The following CLCN4 variants were observed in gnomAD, a reference collection of about 807,000 sequenced individuals.
CLCN4 encodes the protein H(+)/Cl(-) exchange transporter 4.
In CLCN4, 1 loss-of-function variant was observed where a neutral mutation model predicts 41.7. That is an observed-to-expected ratio of 0.02 (90% CI 0.01 to 0.11). CLCN4 has a LOEUF of 0.11. Among genes scored for constraint, CLCN4 ranks in the 10% least tolerant of loss-of-function variants. The pLI, the probability that CLCN4 is intolerant of heterozygous loss-of-function variation, is 1.00. For synonymous variants in CLCN4, 277 were observed against 285.8 expected (o/e 0.97, Z 0.31); for missense variants, 287 against 661.0 (o/e 0.43, Z 6.20).
At chrX:10,224,324 G>A (rs1166185365) in intron 12 of CLCN4, among the ~76,000 whole-genome samples, 1 of 108,256 alleles carries the variant, frequency 9.2e-6, no homozygotes, top group African/African-American at 3.4e-5. Context: ...GTGTGTGTGT[G>A]TGTGTGTGTA....
intron 12 of CLCN4, among the ~76,000 whole-genome samples, chrX:10,230,504 A>T (rs146324959): frequency 0.022 from 2,415 of 112,048 alleles, 32 homozygotes; most frequent in Non-Finnish European, 0.033. Flanking sequence ...ACAAATCAGG[A>T]TGGAAAGAAA....
chrX:10,233,512 C>T lies in CLCN4; in HGVS notation c.2211C>T (p.Ile737=), dbSNP rs1602170505. The part of the protein sequence containing the change: ...VTRSGRLLGI[I]TKKDVLRHMA... ...TCTCCAGGAGACTTCTTGGCATCAT[C>T]ACAAAAAAGGATGTTCTGAGACATA... Residue 737 remains isoleucine, a synonymous_variant, in exon 13 of 13, where the codon ATC becomes ATT. Coordinates refer to ENST00000380833, the MANE Select transcript of CLCN4 (RefSeq NM_001830.4). 1 of 1,206,743 alleles carries T rather than the reference C, an allele frequency of 8.3e-7. No individual in the cohort carries two copies. The highest frequency in any genetic ancestry group is 2.2e-5 in the Admixed American group (1 of 45,742).
intron 2 of CLCN4, among the ~76,000 whole-genome samples, chrX:10,170,015 T>A (rs1166130488): frequency 9.0e-6 from 1 of 111,082 alleles, no homozygotes; most frequent in Non-Finnish European, 1.9e-5. Flanking sequence ...CTTGAACTCC[T>A]GACCTCAGGT....
At position 10,234,509 on chromosome X, in the gene CLCN4, G is replaced by A. The variant is rs1272993015; in HGVS notation, c.*925G>A. The A allele has an allele frequency of 2.7e-5, 3 of 113,095 alleles. No homozygotes were observed. Among genetic ancestry groups the A allele is most frequent in the East Asian group, 5.6e-4 (2 of 3,594 alleles). The allele number at this position is 113,095 out of a possible 1,213,427, so 9.3% of individuals were successfully genotyped here. Reference sequence around the variant, plus strand: ...GCCATAAGCGTGCTTTCATTTTCAAGTAGCATATGCAAGAGTCCAAACAGG... The same window carrying A: ...GCCATAAGCGTGCTTTCATTTTCAAATAGCATATGCAAGAGTCCAAACAGG... On this transcript the variant is annotated 3_prime_UTR_variant, in exon 13 of 13. Transcript: ENST00000380833.
intron 10 of CLCN4, 68 bp downstream of exon 10, chrX:10,212,721 G>A: frequency 6.1e-6 from 6 of 990,352 alleles, no homozygotes; most frequent in Non-Finnish European, 6.9e-6. Context: ...TGCCAAGAAG[G>A]AAGACATGGA....
At chrX:10,209,216 C>T (rs1439529446) in intron 9 of CLCN4, among the ~76,000 whole-genome samples, 4 of 110,004 alleles carry the variant, frequency 3.6e-5, no homozygotes, top group Non-Finnish European at 7.6e-5. Context: ...TCTTTGCACA[C>T]ATCCTCTTTG....
intron 5 of CLCN4, among the ~76,000 whole-genome samples, 171 bp downstream of exon 5, chrX:10,195,269 A>T (rs1924067917): frequency 9.0e-6 from 1 of 110,754 alleles, no homozygotes; most frequent in Non-Finnish European, 1.9e-5. Flanking sequence ...CTACCACTCA[A>T]ACTTCACTTG....
At chrX:10,186,471 C>T (rs903563491) in intron 3 of CLCN4, among the ~76,000 whole-genome samples, 1 of 111,154 alleles carries the variant, frequency 9.0e-6, no homozygotes, top group South Asian at 3.9e-4. Flanking sequence ...TAGGGGCCTG[C>T]TCACAAGGTC....
rs186487552 is a variant in CLCN4 at position 10,207,314 on chromosome X, C to T, written c.843+538C>T. 1.7e-3 allele frequency among the ~76,000 whole-genome samples: 191 copies of T among 112,673 alleles called. 3 individuals carry two copies. The Middle Eastern group carries it at 0.023, about 14-fold the overall frequency. ...ACAGTATTCTCCCTCTCATAACCAACTTAATTAAGCATTTTTGATTTTGGT... is the reference window on the plus strand; with the variant it reads ...ACAGTATTCTCCCTCTCATAACCAATTTAATTAAGCATTTTTGATTTTGGT... On this transcript the variant is annotated intron_variant, in intron 8 of 12. Transcript: ENST00000380833.
chrX:10,225,697 A>G (rs1416429289), intron 12 of CLCN4, among the ~76,000 whole-genome samples: 1 of 111,226 alleles, frequency 9.0e-6, no homozygotes, highest in African/African-American at 3.3e-5. Context: ...TATTGCCTAG[A>G]TTTTTTTTCT....
chrX:10,224,331 T>TGA (rs1314986134), intron 12 of CLCN4, among the ~76,000 whole-genome samples: 1 of 104,364 alleles, frequency 9.6e-6, no homozygotes, highest in Non-Finnish European at 2.0e-5. Flanking sequence ...TGTGTGTGTG[T>TGA]GTATGTGAGT....
rs1193477896 is a variant in CLCN4, at chrX:10,236,314, G to C, written c.*2730G>C. The stretch of plus-strand genomic sequence containing the variant: ...GAGTAGAGATACCTGCAAATTCATG[G>C]CAAACAGTTGGAAGAGTTACTTGAC... On this transcript the variant is annotated 3_prime_UTR_variant, in exon 13 of 13. Coordinates refer to ENST00000380833, the MANE Select transcript of CLCN4 (RefSeq NM_001830.4). 1 of 112,013 alleles carries C rather than the reference G, an allele frequency of 8.9e-6. No individual in the cohort carries two copies. Among genetic ancestry groups the C allele is most frequent in the Non-Finnish European group, 1.9e-5 (1 of 53,121 alleles). The allele number at this position is 112,013 out of a possible 1,213,427, so 9.2% of individuals were successfully genotyped here.
rs929539937 is a variant in CLCN4 at position 10,213,905 on chromosome X, C to T, written c.1801C>T (p.Arg601Trp). ...THRTLATDVM[R>W]PRRGEPPLSV... Reference sequence around the variant, plus strand: ...CCGCACACTGGCCACCGACGTCATGCGGCCCCGGCGGGGAGAGCCGCCACT... The same window carrying T: ...CCGCACACTGGCCACCGACGTCATGTGGCCCCGGCGGGGAGAGCCGCCACT... Residue 601 changes from arginine to tryptophan, a missense_variant, in exon 11 of 13, where the codon CGG becomes TGG. Arg to Trp is a moderately radical substitution (Grantham distance 101). Coordinates refer to ENST00000380833, the MANE Select transcript of CLCN4 (RefSeq NM_001830.4). 6.6e-6 allele frequency: 8 copies of T among 1,209,826 alleles called. No individual in the cohort carries two copies. Among genetic ancestry groups the T allele is most frequent in the South Asian group, 3.5e-5 (2 of 56,787 alleles).
At chrX:10,179,286 G>A (rs1450840812) in intron 2 of CLCN4, among the ~76,000 whole-genome samples, 1 of 111,564 alleles carries the variant, frequency 9.0e-6, no homozygotes, top group Non-Finnish European at 1.9e-5. Context: ...CTGGGCTGAA[G>A]GGGCAGGGGA....
At chrX:10,173,624 T>C (rs1923439914) in intron 2 of CLCN4, among the ~76,000 whole-genome samples, 1 of 111,769 alleles carries the variant, frequency 8.9e-6, no homozygotes. Flanking sequence ...GCCCGGTCTC[T>C]TTTCTTTCTT....
chrX:10,180,766 T>C (rs1330448433), intron 2 of CLCN4, among the ~76,000 whole-genome samples: 1 of 8,758 alleles, frequency 1.1e-4, no homozygotes, highest in African/African-American at 5.1e-4. Flanking sequence ...AAACTCCATC[T>C]CAAAAAAAAA....
At chrX:10,180,000 CTT>C (rs1203383041) in intron 2 of CLCN4, among the ~76,000 whole-genome samples, 2 of 112,016 alleles carry the variant, frequency 1.8e-5, no homozygotes, top group African/African-American at 6.5e-5. Context: ...TGCTGCCTCT[CTT>C]GTGATGAACA....
intron 12 of CLCN4, among the ~76,000 whole-genome samples, chrX:10,224,293 C>CGTGTGTGTGT (rs772983564): frequency 0.013 from 1,138 of 87,885 alleles, 43 homozygotes; most frequent in African/African-American, 0.039. Flanking sequence ...GGGAGGGTTC[C>CGTGTGTGTGT]GTGTGTGTGT....
chrX:10,229,579 G>A (rs780964379), intron 12 of CLCN4, among the ~76,000 whole-genome samples: 172 of 101,366 alleles, frequency 1.7e-3, no homozygotes, highest in African/African-American at 5.8e-3. Flanking sequence ...GGTGTGTGAT[G>A]TTCCCCTTCC....
Sources: allele counts gnomAD v4.1 joint callset (sites outside exome capture counted in the v4.1 genomes callset), GRCh38; gene constraint gnomAD v4.1.1; transcripts MANE v1.5; gene names NCBI Gene and HGNC (gene_info 2026-07-23, HGNC 2026-07-21).